CDC42BPA: variants seen among roughly 807,000 people sequenced by gnomAD.
CDC42BPA encodes the protein CDC42 binding protein kinase alpha, also known as serine/threonine-protein kinase MRCK alpha.
In CDC42BPA, 80 loss-of-function variants were observed where a neutral mutation model predicts 223.5. The ratio of observed to expected loss-of-function variants is 0.36; its 90% CI spans 0.30 to 0.43. The LOEUF is 0.43. Among genes scored for constraint, CDC42BPA ranks in the 20% least tolerant of loss-of-function variants. The pLI, the probability that CDC42BPA is intolerant of heterozygous loss-of-function variation, is 1.00. For missense variants in CDC42BPA, 1,743 were observed against 2,099.9 expected, an observed-to-expected ratio of 0.83 and a Z score of 3.32; for synonymous variants, 694 against 718.6, an observed-to-expected ratio of 0.97 and a Z score of 0.55.
intron 21 of CDC42BPA, among the ~76,000 whole-genome samples, chr1:227,056,415 C>G (rs1674572671): frequency 6.7e-6 from 1 of 149,370 alleles, no homozygotes; most frequent in Non-Finnish European, 1.5e-5. Context: ...GAGACAAGGT[C>G]TTTCTCTCTT....
At chr1:227,132,330 G>T (rs537942284) in intron 10 of CDC42BPA, among the ~76,000 whole-genome samples, 1 of 152,094 alleles carries the variant, frequency 6.6e-6, no homozygotes, top group Non-Finnish European at 1.5e-5. Flanking sequence ...ACGGGGTTTC[G>T]CTGTGTTGGC....
At chr1:227,213,370 T>TG (rs1674273309) in intron 2 of CDC42BPA, 151 bp from the exon 3 acceptor site, 2 of 518,930 alleles carry the variant, frequency 3.9e-6, no homozygotes, top group African/African-American at 4.4e-5. Flanking sequence ...TAAATAATGT[T>TG]GCCAGATGAA....
At chr1:227,124,036 A>AC (rs1689117960) in intron 11 of CDC42BPA, among the ~76,000 whole-genome samples, 1 of 152,144 alleles carries the variant, frequency 6.6e-6, no homozygotes, top group Non-Finnish European at 1.5e-5. Context: ...ATGAGGTATG[A>AC]ATTTTTTATT....
chr1:227,257,801 C>T (rs1291546964), intron 1 of CDC42BPA, among the ~76,000 whole-genome samples: 1 of 150,158 alleles, frequency 6.7e-6, no homozygotes, highest in Non-Finnish European at 1.5e-5. Context: ...GCAAGTTTGA[C>T]AAGGTGGGTG....
chr1:227,118,147 C>T (rs975509640), intron 12 of CDC42BPA, among the ~76,000 whole-genome samples: 1 of 152,120 alleles, frequency 6.6e-6, no homozygotes, highest in African/African-American at 2.4e-5. Flanking sequence ...AGAAACTCTA[C>T]ACTACTCGTG....
intron 3 of CDC42BPA, among the ~76,000 whole-genome samples, chr1:227,211,673 C>T (rs1033733576): frequency 1.4e-4 from 22 of 151,928 alleles, no homozygotes; most frequent in Admixed American, 3.3e-4. Context: ...ACTCAGAAAG[C>T]CAAATACCAC....
rs1670067146 is a variant in CDC42BPA at position 227,035,627 on chromosome 1, A to G, written c.3200-20T>C. On this transcript the variant is annotated intron_variant, in intron 24 of 36. Coordinates refer to ENST00000366766, the MANE Select transcript of CDC42BPA (RefSeq NM_001394014.1). ...CACACACTTTTAGAGGGAAAAAAGA[A>G]ACGTTTGATAAAAATTCATTTTAAC... 6.4e-7 allele frequency: 1 copy of G among 1,553,512 alleles called. No individual in the cohort carries two copies. The highest frequency in any genetic ancestry group is 1.4e-5 in the African/African-American group (1 of 71,318).
chr1:227,060,880 C>A (rs1348482380), intron 21 of CDC42BPA, among the ~76,000 whole-genome samples: 5 of 151,768 alleles, frequency 3.3e-5, no homozygotes, highest in Non-Finnish European at 1.5e-5. Context: ...CGCCACCATG[C>A]CCGGCTAATT....
Position 226,999,949 on chromosome 1 carries a change from G to C in CDC42BPA, c.4976-4969C>G, listed in dbSNP as rs11588329. 1.3e-4 allele frequency among the ~76,000 whole-genome samples: 20 copies of C among 149,650 alleles called. No individual in the cohort carries two copies. The South Asian group carries it at 3.0e-3, about 23-fold the overall frequency. On this transcript the variant is annotated intron_variant, in intron 35 of 36. Transcript: ENST00000366766. ...GAATATCACACACTGGGGCCTGTTGGGGGGTGGGGGGTTAGGGGAGGGATA... is the reference window on the plus strand; with the variant it reads ...GAATATCACACACTGGGGCCTGTTGCGGGGTGGGGGGTTAGGGGAGGGATA...
At chr1:227,137,509 G>T (rs1658820684) in intron 10 of CDC42BPA, among the ~76,000 whole-genome samples, 1 of 151,854 alleles carries the variant, frequency 6.6e-6, no homozygotes, top group South Asian at 2.1e-4. Flanking sequence ...GTACTCCCAG[G>T]TATATATCTG....
rs1009415194 is a variant in CDC42BPA at position 227,030,601 on chromosome 1, C to G, written c.3776-131G>C. 4 of 557,276 alleles carry G rather than the reference C, an allele frequency of 7.2e-6. No individual in the cohort carries two copies. In the African/African-American group the frequency reaches 7.9e-5, roughly 11 times the overall value. 34.5% of individuals were successfully genotyped at this position (557,276 alleles called of 1,614,324 possible). On this transcript the variant is annotated intron_variant, in intron 28 of 36. Transcript: ENST00000366766. ...ATTACAATAACAGTTTACACTATTT[C>G]CTTTCAGATTATACTGGTAAATCTC...
chr1:227,013,388 T>C (rs1239049439), intron 34 of CDC42BPA, among the ~76,000 whole-genome samples: 3 of 151,866 alleles, frequency 2.0e-5, no homozygotes, highest in African/African-American at 7.2e-5. Flanking sequence ...ATTTTTTCTT[T>C]TTATCTCTTT....
intron 34 of CDC42BPA, among the ~76,000 whole-genome samples, chr1:227,006,521 C>T (rs1210011023): frequency 2.6e-5 from 4 of 152,322 alleles, no homozygotes; most frequent in Non-Finnish European, 5.9e-5. Flanking sequence ...GCTAATTACA[C>T]TAGCAAAAAG....
intron 16 of CDC42BPA, among the ~76,000 whole-genome samples, chr1:227,090,812 A>C (rs1211580511): frequency 6.6e-6 from 1 of 150,818 alleles, no homozygotes; most frequent in Non-Finnish European, 1.5e-5. Context: ...CTGTATCAAA[A>C]CAAACAAACA....
intron 30 of CDC42BPA, 26 bp downstream of exon 30, chr1:227,028,631 G>T: frequency 7.1e-7 from 1 of 1,415,152 alleles, no homozygotes; most frequent in South Asian, 1.4e-5. Context: ...ATAAAGATAA[G>T]ACAGCCGTAA....
intron 10 of CDC42BPA, among the ~76,000 whole-genome samples, chr1:227,138,677 T>C (rs1017442414): frequency 2.0e-5 from 3 of 151,920 alleles, no homozygotes; most frequent in African/African-American, 7.2e-5. Context: ...AAGAGCTGAC[T>C]TGAGGTGAGT....
chr1:227,111,703 G>A (rs1686959132), intron 14 of CDC42BPA, among the ~76,000 whole-genome samples: 1 of 152,118 alleles, frequency 6.6e-6, no homozygotes, highest in Non-Finnish European at 1.5e-5. Flanking sequence ...GGCTGGTCTC[G>A]AACTCCTGAC....
intron 1 of CDC42BPA, among the ~76,000 whole-genome samples, chr1:227,262,144 GAAT>G (rs1414292825): frequency 6.6e-6 from 1 of 151,996 alleles, no homozygotes; most frequent in African/African-American, 2.4e-5. Flanking sequence ...GAACTCAAGA[GAAT>G]AATACAATCT....
intron 11 of CDC42BPA, among the ~76,000 whole-genome samples, chr1:227,123,991 CA>C (rs1276735078): frequency 2.6e-5 from 4 of 151,568 alleles, no homozygotes; most frequent in African/African-American, 9.7e-5. Flanking sequence ...ATTTAGGAGA[CA>C]AAAAAATTCT....
Sources: gnomAD v4.1 joint callset for allele counts (sites outside exome capture counted in the v4.1 genomes callset) on GRCh38, gnomAD v4.1.1 for gene constraint, MANE v1.5 for transcripts, NCBI Gene and HGNC (gene_info 2026-07-23, HGNC 2026-07-21) for gene names.